ZDHHC17: variants seen among roughly 807,000 people sequenced by gnomAD.
The protein encoded by ZDHHC17 is zDHHC palmitoyltransferase 17.
A neutral mutation model predicts 90.3 loss-of-function variants in ZDHHC17; 40 were observed. That is an observed-to-expected ratio of 0.44 (90% confidence interval 0.34 to 0.58). The LOEUF is 0.58. Among genes scored for constraint, ZDHHC17 ranks in the 20% least tolerant of loss-of-function variants. The pLI, the probability that ZDHHC17 is intolerant of heterozygous loss-of-function variation, is 0.01. For missense variants in ZDHHC17, 614 were observed against 780.8 expected (o/e 0.79, Z 2.55); for synonymous variants, 235 against 252.4 (o/e 0.93, Z 0.65).
At chr12:76,832,848 A>T (rs558742804) in intron 10 of ZDHHC17, among the ~76,000 whole-genome samples, 1 of 152,316 alleles carries the variant, frequency 6.6e-6, no homozygotes, top group East Asian at 1.9e-4. Context: ...AACAAGACAG[A>T]ATGTTGCTTT....
At chr12:76,837,783 T>A (rs937378886) in intron 10 of ZDHHC17, among the ~76,000 whole-genome samples, 2 of 152,176 alleles carry the variant, frequency 1.3e-5, no homozygotes, top group African/African-American at 4.8e-5. Flanking sequence ...CTTTGTCATC[T>A]GTGTTCATAC....
chr12:76,797,508 C>T lies in ZDHHC17; in HGVS notation c.168C>T (p.Tyr56=). The T allele has an allele frequency of 1.2e-6, 2 of 1,609,986 alleles. No homozygotes were observed. The highest frequency in any genetic ancestry group is 8.5e-7 in the Non-Finnish European group (1 of 1,177,884). ...PLGRKTHIDD[Y]STWDIVKATQ... ...GACGGAAAACTCATATTGATGATTACAGCACATGGGACATAGTCAAGGCTA... is the reference window on the plus strand; with the variant it reads ...GACGGAAAACTCATATTGATGATTATAGCACATGGGACATAGTCAAGGCTA... Residue 56 remains tyrosine (Y), a synonymous_variant, in exon 2 of 17, where the codon TAC becomes TAT. Coordinates refer to ENST00000426126, the MANE Select transcript of ZDHHC17 (RefSeq NM_015336.4).
intron 1 of ZDHHC17, among the ~76,000 whole-genome samples, chr12:76,765,724 G>A (rs1252783207): frequency 6.6e-6 from 1 of 152,064 alleles, no homozygotes; most frequent in Non-Finnish European, 1.5e-5. Context: ...TTTTTGAGAC[G>A]GGGTTTCTCC....
intron 6 of ZDHHC17, 56 bp downstream of exon 6, chr12:76,815,266 A>T: frequency 8.1e-7 from 1 of 1,234,800 alleles, no homozygotes; most frequent in Non-Finnish European, 1.1e-6. Flanking sequence ...TACAATATGA[A>T]GTAAGAGAGA....
chr12:76,799,980 A>G (rs77357839), intron 2 of ZDHHC17, among the ~76,000 whole-genome samples: 2 of 152,112 alleles, frequency 1.3e-5, no homozygotes, highest in African/African-American at 4.8e-5. Flanking sequence ...CTTTTATACA[A>G]TGTTTTTTAT....
At chr12:76,773,588 G>A (rs1425838356) in intron 1 of ZDHHC17, among the ~76,000 whole-genome samples, 1 of 152,162 alleles carries the variant, frequency 6.6e-6, no homozygotes, top group Non-Finnish European at 1.5e-5. Flanking sequence ...TTCAAGAGAG[G>A]TGAAGTAGTT....
chr12:76,842,869 T>C (rs1187634233), intron 11 of ZDHHC17, 50 bp from the exon 12 acceptor site: 2 of 1,369,788 alleles, frequency 1.5e-6, no homozygotes, highest in East Asian at 5.0e-5. Flanking sequence ...GCAAAAGAGT[T>C]GGTGAGCATT....
intron 10 of ZDHHC17, among the ~76,000 whole-genome samples, chr12:76,832,441 G>T (rs1953315168): frequency 6.6e-6 from 1 of 152,212 alleles, no homozygotes; most frequent in African/African-American, 2.4e-5. Context: ...GTTGCTGCAA[G>T]CACTGAATTA....
chr12:76,803,630 T>G (rs371269830), intron 2 of ZDHHC17, among the ~76,000 whole-genome samples: 3 of 152,168 alleles, frequency 2.0e-5, no homozygotes, highest in East Asian at 1.9e-4. Flanking sequence ...GCCATTCCCT[T>G]CACCCTGGTA....
At chr12:76,765,134 A>T (rs956201488) in intron 1 of ZDHHC17, among the ~76,000 whole-genome samples, 6 of 152,130 alleles carry the variant, frequency 3.9e-5, no homozygotes, top group African/African-American at 1.4e-4. Context: ...ATTTTTAGTG[A>T]TCCACAGTGA....
chr12:76,778,928 A>G (rs1167127726), intron 1 of ZDHHC17, among the ~76,000 whole-genome samples: 1 of 152,180 alleles, frequency 6.6e-6, no homozygotes, highest in Non-Finnish European at 1.5e-5. Flanking sequence ...AGATGGCTGC[A>G]TTCTCATATT....
At chr12:76,776,400 C>T (rs560809276) in intron 1 of ZDHHC17, among the ~76,000 whole-genome samples, 50 of 152,202 alleles carry the variant, frequency 3.3e-4, no homozygotes, top group African/African-American at 1.2e-3. Context: ...TTCTCTCACT[C>T]CTCACAGGTA....
At chr12:76,832,261 G>A (rs1953312452) in intron 10 of ZDHHC17, among the ~76,000 whole-genome samples, 1 of 152,200 alleles carries the variant, frequency 6.6e-6, no homozygotes, top group Non-Finnish European at 1.5e-5. Context: ...GGTACCTTAA[G>A]ATAAAATAGC....
chr12:76,808,917 T>G (rs1457979718), intron 3 of ZDHHC17, 126 bp from the exon 4 acceptor site: 2 of 490,618 alleles, frequency 4.1e-6, no homozygotes, highest in African/African-American at 4.0e-5. Context: ...CAAAAGATTA[T>G]TTATTTTCAA....
chr12:76,826,276 GT>G (rs2137783823), intron 8 of ZDHHC17, among the ~76,000 whole-genome samples: 1 of 152,250 alleles, frequency 6.6e-6, no homozygotes, highest in South Asian at 2.1e-4. Context: ...AGTTATGTAG[GT>G]TTTATACTTA....
chr12:76,800,934 C>T (rs548229577), intron 2 of ZDHHC17, among the ~76,000 whole-genome samples: 2 of 134,790 alleles, frequency 1.5e-5, no homozygotes, highest in African/African-American at 5.6e-5. Context: ...ATCGCCTAGG[C>T]TGGAGTGCCA....
intron 1 of ZDHHC17, among the ~76,000 whole-genome samples, chr12:76,784,991 G>A (rs1262843425): frequency 6.6e-6 from 1 of 152,174 alleles, no homozygotes; most frequent in African/African-American, 2.4e-5. Context: ...CTTTAGCAGA[G>A]AAAAATGCCT....
chr12:76,808,751 C>T (rs895436806), intron 3 of ZDHHC17, among the ~76,000 whole-genome samples: 1 of 151,782 alleles, frequency 6.6e-6, no homozygotes, highest in Non-Finnish European at 1.5e-5. Context: ...CTATTCAAAT[C>T]TTTGTAGTTC....
At chr12:76,811,513 G>C (rs1183234493) in intron 5 of ZDHHC17, among the ~76,000 whole-genome samples, 1 of 151,736 alleles carries the variant, frequency 6.6e-6, no homozygotes, top group Non-Finnish European at 1.5e-5. Context: ...TAGTATATAG[G>C]CTATAAAATT....
Sources: gnomAD v4.1 joint callset for allele counts (sites outside exome capture counted in the v4.1 genomes callset) on GRCh38, gnomAD v4.1.1 for gene constraint, MANE v1.5 for transcripts, NCBI Gene and HGNC (gene_info 2026-07-23, HGNC 2026-07-21) for gene names.